Variants in LHFPL6 observed in about 807,000 individuals in gnomAD.
LHFPL6 encodes LHFPL tetraspan subfamily member 6 protein.
A neutral mutation model predicts 20.6 loss-of-function variants in LHFPL6; 9 were observed. The observed-to-expected ratio is 0.44, with a 90% confidence interval of 0.26 to 0.76. LHFPL6 has a LOEUF of 0.76. LHFPL6 is among the 30% of genes least tolerant of loss of function. LHFPL6 has a pLI of 0.20. For missense variants in LHFPL6, 218 were observed against 253.5 expected (o/e 0.86, Z 0.95); for synonymous variants, 105 against 98.7 (o/e 1.06, Z -0.38).
intron 2 of LHFPL6, among the ~76,000 whole-genome samples, chr13:39,471,650 T>C (rs1872950401): frequency 6.6e-6 from 1 of 152,228 alleles, no homozygotes; most frequent in Non-Finnish European, 1.5e-5. Flanking sequence ...CTAAGTTGAA[T>C]TGTAACTGGC....
intron 2 of LHFPL6, among the ~76,000 whole-genome samples, chr13:39,407,329 C>A (rs1405109642): frequency 2.0e-5 from 3 of 152,160 alleles, no homozygotes; most frequent in African/African-American, 7.2e-5. Flanking sequence ...CCAGACCAAG[C>A]CCTTCTGAGT....
chr13:39,595,965 G>A lies in LHFPL6; in HGVS notation c.385+4867C>T, dbSNP rs139266435. On this transcript the variant is annotated intron_variant, in intron 2 of 3. Coordinates refer to ENST00000379589, the MANE Select transcript of LHFPL6 (RefSeq NM_005780.3). ...GGACCATCCCTGTGATCTATAGTACGGTCTTCCTATCTTTCAATTAACAAT... is the reference window on the plus strand; with the variant it reads ...GGACCATCCCTGTGATCTATAGTACAGTCTTCCTATCTTTCAATTAACAAT... 1.8e-3 allele frequency among the ~76,000 whole-genome samples: 273 copies of A among 152,060 alleles called. 5 individuals are homozygous for A. In the East Asian group the frequency reaches 0.03, roughly 17 times the overall value.
intron 2 of LHFPL6, among the ~76,000 whole-genome samples, chr13:39,389,739 T>G (rs1870656431): frequency 6.6e-6 from 1 of 152,278 alleles, no homozygotes; most frequent in African/African-American, 2.4e-5. Flanking sequence ...GAGAAGCACA[T>G]GCAGAGAAAG....
chr13:39,398,356 T>G (rs965258721), intron 2 of LHFPL6, among the ~76,000 whole-genome samples: 12 of 152,220 alleles, frequency 7.9e-5, no homozygotes, highest in Non-Finnish European at 1.6e-4. Context: ...TATTAAACAT[T>G]CTGGCATTGA....
chr13:39,414,128 C>A (rs1009366423), intron 2 of LHFPL6, among the ~76,000 whole-genome samples: 1 of 152,220 alleles, frequency 6.6e-6, no homozygotes, highest in African/African-American at 2.4e-5. Context: ...GGAACATTCT[C>A]ATATGCCGTT....
intron 3 of LHFPL6, among the ~76,000 whole-genome samples, chr13:39,364,521 A>T (rs1869960888): frequency 6.6e-6 from 1 of 152,162 alleles, no homozygotes; most frequent in Non-Finnish European, 1.5e-5. Flanking sequence ...AAAGAAACAG[A>T]AATACTCTGG....
intron 2 of LHFPL6, among the ~76,000 whole-genome samples, chr13:39,494,869 A>G (rs990936707): frequency 7.2e-5 from 11 of 152,202 alleles, no homozygotes; most frequent in Admixed American, 5.2e-4. Context: ...TTTCAAATTA[A>G]TTAGTTCAGA....
intron 2 of LHFPL6, among the ~76,000 whole-genome samples, chr13:39,595,430 C>T (rs1375901335): frequency 6.6e-6 from 1 of 152,170 alleles, no homozygotes; most frequent in Non-Finnish European, 1.5e-5. Flanking sequence ...TTAGCTGGAA[C>T]TACAGGCACA....
intron 3 of LHFPL6, among the ~76,000 whole-genome samples, chr13:39,357,755 CA>C (rs977180998): frequency 4.0e-5 from 6 of 151,852 alleles, no homozygotes; most frequent in Admixed American, 1.3e-4. Context: ...AAAATAGCCA[CA>C]AAAAATAAAA....
chr13:39,561,160 C>T (rs969882783), intron 2 of LHFPL6, among the ~76,000 whole-genome samples: 3 of 151,950 alleles, frequency 2.0e-5, no homozygotes, highest in Admixed American at 6.6e-5. Context: ...TTCTAGGAGG[C>T]TTTGCCTGCC....
At chr13:39,517,874 G>T (rs184553969) in intron 2 of LHFPL6, among the ~76,000 whole-genome samples, 1 of 152,126 alleles carries the variant, frequency 6.6e-6, no homozygotes, top group Non-Finnish European at 1.5e-5. Flanking sequence ...CAGTAGTCCA[G>T]ATTTAGAAGA....
chr13:39,504,890 A>G (rs150823641), intron 2 of LHFPL6, among the ~76,000 whole-genome samples: 5 of 152,290 alleles, frequency 3.3e-5, no homozygotes, highest in African/African-American at 1.2e-4. Context: ...GTATAATGTC[A>G]TTTTCAATGT....
chr13:39,467,490 A>G (rs2138433942), intron 2 of LHFPL6, among the ~76,000 whole-genome samples: 1 of 152,268 alleles, frequency 6.6e-6, no homozygotes, highest in Middle Eastern at 3.4e-3. Context: ...AGCAGCCTCA[A>G]GGTCTCTCTA....
intron 2 of LHFPL6, among the ~76,000 whole-genome samples, chr13:39,406,341 A>C (rs1250031092): frequency 1.3e-5 from 2 of 152,198 alleles, no homozygotes; most frequent in Non-Finnish European, 2.9e-5. Context: ...ATCCAACTTA[A>C]AATATTTTAA....
chr13:39,523,529 G>A (rs1468401839), intron 2 of LHFPL6, among the ~76,000 whole-genome samples: 1 of 146,482 alleles, frequency 6.8e-6, no homozygotes, highest in African/African-American at 2.6e-5. Context: ...AGATCACAGC[G>A]AGACTCCGTC....
chr13:39,366,483 G>A (rs866365051), intron 3 of LHFPL6, among the ~76,000 whole-genome samples: 1 of 152,084 alleles, frequency 6.6e-6, no homozygotes, highest in Non-Finnish European at 1.5e-5. Context: ...CTCGAGTTGT[G>A]GTTTCCCTTA....
In LHFPL6 at chr13:39,574,279, A is replaced by G. The variant is rs914172996; in HGVS notation, c.385+26553T>C. 1.2e-3 allele frequency among the ~76,000 whole-genome samples: 177 copies of G among 152,098 alleles called. 1 individual carries two copies. In the South Asian group the frequency reaches 0.021, roughly 18 times the overall value. On this transcript the variant is annotated intron_variant, in intron 2 of 3. Transcript: ENST00000379589. ...GGGCGGATCACAAGGTCAGGAGAAC[A>G]AGATCATCCTGGCTAACATGGTGAA...
chr13:39,462,656 G>C lies in LHFPL6; in HGVS notation c.386-84130C>G, dbSNP rs1266972536. Among the ~76,000 whole-genome samples, 5 of 150,160 alleles carry C rather than the reference G, an allele frequency of 3.3e-5. No homozygotes were observed. In the East Asian group the frequency reaches 1.0e-3, roughly 31 times the overall value. ...CCTCTCACTCTGTGAAGTGGGCAGT[G>C]GACATTCCTGTCTCTGTTTTACAGA... On this transcript the variant is annotated intron_variant, in intron 2 of 3. Coordinates refer to ENST00000379589, the MANE Select transcript of LHFPL6 (RefSeq NM_005780.3).
intron 2 of LHFPL6, among the ~76,000 whole-genome samples, chr13:39,397,367 G>A (rs1450426036): frequency 6.6e-6 from 1 of 152,104 alleles, no homozygotes; most frequent in Non-Finnish European, 1.5e-5. Flanking sequence ...AAGGGAGGTC[G>A]ATCCAGGATC....
Sources: gnomAD v4.1 joint callset for allele counts (sites outside exome capture counted in the v4.1 genomes callset) on GRCh38, gnomAD v4.1.1 for gene constraint, MANE v1.5 for transcripts, NCBI Gene and HGNC (gene_info 2026-07-23, HGNC 2026-07-21) for gene names.